TLN2: variants seen among roughly 807,000 people sequenced by gnomAD.
TLN2 encodes the protein talin-2.
A neutral mutation model predicts 294.7 loss-of-function variants in TLN2; 118 were observed. That is an observed-to-expected ratio of 0.40 (90% CI 0.34 to 0.47). The LOEUF (loss-of-function observed/expected upper bound fraction) is 0.47, where lower values mean the gene tolerates loss of function less well. Among genes scored for constraint, TLN2 ranks in the 20% least tolerant of loss-of-function variants. TLN2 has a pLI of 0.84. For synonymous variants in TLN2, 1,431 were observed against 1,304.5 expected, an observed-to-expected ratio of 1.10 and a Z score of -2.09; for missense variants, 3,083 against 3,282.2, an observed-to-expected ratio of 0.94 and a Z score of 1.48.
chr15:62,423,673 T>A (rs1008827861), intron 1 of TLN2, among the ~76,000 whole-genome samples: 2 of 152,026 alleles, frequency 1.3e-5, no homozygotes, highest in African/African-American at 4.8e-5. Context: ...ATCCGTCTCC[T>A]GGGTTCAAGG....
chr15:62,677,659 A>G lies in TLN2; in HGVS notation c.957+2338A>G, dbSNP rs1369067310. Among the ~76,000 whole-genome samples, 5 of 152,132 alleles carry G rather than the reference A, an allele frequency of 3.3e-5. No homozygotes were observed. In the East Asian group the frequency reaches 9.6e-4, roughly 29 times the overall value. The stretch of plus-strand genomic sequence containing the variant: ...CAATTATTTAAGGCAAAACAAGAAC[A>G]TGGTAGACTTTTTTTTCCTTTCTTC... On this transcript the variant is annotated intron_variant, in intron 11 of 58. Coordinates refer to ENST00000636159, the MANE Select transcript of TLN2 (RefSeq NM_015059.3).
chr15:62,499,155 TTTA>T (rs1229898079), intron 1 of TLN2, among the ~76,000 whole-genome samples: 7 of 152,198 alleles, frequency 4.6e-5, no homozygotes, highest in Admixed American at 4.6e-4. Flanking sequence ...ATTATTTTTA[TTTA>T]TTACAAAACA....
chr15:62,589,457 T>C (rs572089915), intron 1 of TLN2, among the ~76,000 whole-genome samples: 23 of 152,342 alleles, frequency 1.5e-4, no homozygotes, highest in African/African-American at 5.5e-4. Context: ...AGAAAATGTG[T>C]TTTGTCTCTC....
chr15:62,708,462 T>C (rs886365589), intron 20 of TLN2, 40 bp from the exon 21 acceptor site: 12 of 1,596,308 alleles, frequency 7.5e-6, no homozygotes, highest in Non-Finnish European at 6.9e-6. Context: ...GGACCAGGAT[T>C]CAACCACAGT....
chr15:62,838,860 C>G lies in TLN2; in HGVS notation c.7379C>G (p.Ala2460Gly). Residue 2460 changes from alanine (A) to glycine (G), a missense_variant, in exon 58 of 59, where the codon GCA becomes GGA. Ala to Gly is a moderately conservative substitution (Grantham distance 60, BLOSUM62 0). Transcript: ENST00000636159. The part of the protein sequence containing the change: ...DSEAMRRLQA[A>G]GNAVKRASDN... The stretch of plus-strand genomic sequence containing the variant: ...TATGTTTTGTTCACTCTCCAGGCGG[C>G]AGGAAATGCTGTGAAAAGAGCCTCA... 6.2e-7 allele frequency: 1 copy of G among 1,608,986 alleles called. No individual in the cohort carries two copies. Among genetic ancestry groups the G allele is most frequent in the Non-Finnish European group, 8.5e-7 (1 of 1,179,800 alleles).
chr15:62,394,169 C>T (rs139941125), intron 1 of TLN2, among the ~76,000 whole-genome samples: 4 of 152,186 alleles, frequency 2.6e-5, no homozygotes, highest in East Asian at 1.9e-4. Context: ...GGTTAGAAAA[C>T]GAGTATGTGT....
At chr15:62,677,736 TTTA>T (rs1465035636) in intron 11 of TLN2, among the ~76,000 whole-genome samples, 3 of 147,500 alleles carry the variant, frequency 2.0e-5, no homozygotes, top group Admixed American at 1.3e-4. Context: ...CTTCTTTCTC[TTTA>T]TTTTTTTTTA....
intron 1 of TLN2, among the ~76,000 whole-genome samples, chr15:62,532,323 C>A (rs189621418): frequency 1.3e-5 from 2 of 152,278 alleles, no homozygotes; most frequent in East Asian, 3.9e-4. Flanking sequence ...TCTCGAACTC[C>A]TGGCTTCAAG....
intron 1 of TLN2, among the ~76,000 whole-genome samples, chr15:62,523,589 A>C (rs2040577587): frequency 6.6e-6 from 1 of 152,246 alleles, no homozygotes; most frequent in African/African-American, 2.4e-5. Flanking sequence ...AAAGTTCACA[A>C]ATCCATTGGC....
At position 62,844,562 on chromosome 15, in the gene TLN2, T is replaced by TA. The variant is rs2071017328; in HGVS notation, c.*3953dup. On this transcript the variant is annotated 3_prime_UTR_variant, in exon 59 of 59. Transcript: ENST00000636159. Reference sequence around the variant, plus strand: ...CTGCCCTGTGTCGTATCTAATCACATACATTAATTTATCTAACCACATAAG... The same window carrying TA: ...CTGCCCTGTGTCGTATCTAATCACATAACATTAATTTATCTAACCACATAAG... 6.6e-6 allele frequency: 1 copy of TA among 152,144 alleles called. No homozygotes were observed. The highest frequency in any genetic ancestry group is 1.5e-5 in the Non-Finnish European group (1 of 68,042). 9.4% of individuals were successfully genotyped at this position (152,144 alleles called of 1,614,324 possible).
intron 19 of TLN2, among the ~76,000 whole-genome samples, chr15:62,704,199 G>A (rs1467831255): frequency 2.6e-5 from 4 of 151,832 alleles, no homozygotes; most frequent in Admixed American, 6.6e-5. Flanking sequence ...AAAAAATTAC[G>A]AACTTATATG....
rs1178259700 is a variant in TLN2 at position 62,738,397 on chromosome 15, GTCT to G, written c.3687+71_3687+73del. 1.5e-5 allele frequency: 23 copies of G among 1,559,482 alleles called. No individual in the cohort carries two copies. The East Asian group carries it at 1.6e-4, about 11-fold the overall frequency. On this transcript the variant is annotated intron_variant, in intron 30 of 58. Transcript: ENST00000636159. ...TAGGCTCGCGTTAGGTGTGAGTGAA[GTCT>G]TCTTCTCTCCATGAGATCTCTGAGC...
Position 62,800,787 on chromosome 15 carries a change from A to C in TLN2, c.6477+18A>C. 1 of 1,597,694 alleles carries C rather than the reference A, an allele frequency of 6.3e-7. No homozygotes were observed. Among genetic ancestry groups the C allele is most frequent in the Middle Eastern group, 1.7e-4 (1 of 5,990 alleles). On this transcript the variant is annotated intron_variant, in intron 50 of 58. Coordinates refer to ENST00000636159, the MANE Select transcript of TLN2 (RefSeq NM_015059.3). The stretch of plus-strand genomic sequence containing the variant: ...AGCTTACGGTAAGGAGCCAGCAGTT[A>C]CCTCCCTTGGGTACCAGAGTCCCAC...
intron 1 of TLN2, among the ~76,000 whole-genome samples, chr15:62,529,786 CT>C (rs1462568552): frequency 6.6e-6 from 1 of 152,166 alleles, no homozygotes; most frequent in Non-Finnish European, 1.5e-5. Context: ...AAATATAGGA[CT>C]TCTGGTTCAG....
chr15:62,484,985 G>GA (rs1473445144), intron 1 of TLN2, among the ~76,000 whole-genome samples: 1 of 152,184 alleles, frequency 6.6e-6, no homozygotes, highest in Non-Finnish European at 1.5e-5. Context: ...CTCCAAGGGA[G>GA]AATCCATCTC....
At chr15:62,657,156 G>C (rs1040782715) in intron 8 of TLN2, among the ~76,000 whole-genome samples, 14 of 151,214 alleles carry the variant, frequency 9.3e-5, no homozygotes, top group African/African-American at 3.2e-4. Context: ...GAAAAGGTGG[G>C]GGGGGGAAGC....
intron 31 of TLN2, among the ~76,000 whole-genome samples, chr15:62,739,889 A>G (rs1172539977): frequency 2.0e-5 from 3 of 152,170 alleles, no homozygotes; most frequent in Non-Finnish European, 1.5e-5. Context: ...ATAAAAATAT[A>G]TATGTATTTG....
At position 62,653,314 on chromosome 15, in the gene TLN2, CGTAA is replaced by C; in HGVS notation, c.517+3_517+6del. ...GGCCAAGCTGCACACAGATGATGAC[CGTAA>C]GTGTTTGCAGAGGAAGCATGATACA... is the stretch of plus-strand genomic sequence containing the variant. On this transcript the variant is annotated splice_donor_variant and splice_donor_region_variant and intron_variant, in intron 7 of 58. Coordinates refer to ENST00000636159, the MANE Select transcript of TLN2 (RefSeq NM_015059.3). LOFTEE classifies it high-confidence loss of function. The C allele has an allele frequency of 1.2e-6, 2 of 1,608,818 alleles. No individual in the cohort carries two copies. The highest frequency in any genetic ancestry group is 1.7e-6 in the Non-Finnish European group (2 of 1,178,168).
At chr15:62,642,695 T>C (rs978159023) in intron 3 of TLN2, among the ~76,000 whole-genome samples, 1 of 147,726 alleles carries the variant, frequency 6.8e-6, no homozygotes, top group African/African-American at 2.7e-5. Context: ...TGTTTGTTTG[T>C]TTTCTGTTTT....
Sources: allele counts gnomAD v4.1 joint callset (sites outside exome capture counted in the v4.1 genomes callset), GRCh38; gene constraint gnomAD v4.1.1; transcripts MANE v1.5; gene names NCBI Gene and HGNC (gene_info 2026-07-23, HGNC 2026-07-21).